The following COBLL1 variants were observed in gnomAD, a reference collection of about 807,000 sequenced individuals.
The protein encoded by COBLL1 is cordon-bleu WH2 repeat protein like 1, also known as cordon-bleu protein-like 1.
A neutral mutation model predicts 94.8 loss-of-function variants in COBLL1; 50 were observed. That is an observed-to-expected ratio of 0.53 (90% CI 0.42 to 0.67). COBLL1 has a LOEUF of 0.67. Ranked by LOEUF, COBLL1 falls within the 30% of genes least tolerant of loss-of-function variation. COBLL1 has a pLI of 0.00. For missense variants in COBLL1, 1,362 were observed against 1,348.7 expected, an observed-to-expected ratio of 1.01 and a Z score of -0.15; for synonymous variants, 448 against 473.8, an observed-to-expected ratio of 0.95 and a Z score of 0.71.
At chr2:164,773,453 A>G (rs355861) in intron 2 of COBLL1, among the ~76,000 whole-genome samples, 36,218 of 152,004 alleles carry the variant, frequency 0.24, 5,081 homozygotes, top group African/African-American at 0.39. Context: ...TAACATGTAT[A>G]TACATTTAAT....
intron 2 of COBLL1, among the ~76,000 whole-genome samples, chr2:164,778,070 A>G (rs149648135): frequency 1.3e-5 from 2 of 152,302 alleles, no homozygotes; most frequent in South Asian, 4.1e-4. Context: ...AACAGCCACA[A>G]AAAGATAATT....
At chr2:164,777,165 AT>A (rs1298717569) in intron 2 of COBLL1, among the ~76,000 whole-genome samples, 2 of 134,074 alleles carry the variant, frequency 1.5e-5, no homozygotes, top group African/African-American at 5.6e-5. Context: ...TACAAGTTTA[AT>A]TTTGAATTGT....
intron 11 of COBLL1, among the ~76,000 whole-genome samples, chr2:164,698,845 T>C (rs1684087930): frequency 6.6e-6 from 1 of 151,970 alleles, no homozygotes; most frequent in Admixed American, 6.6e-5. Context: ...AAAGACAACA[T>C]GAATATATGC....
intron 3 of COBLL1, among the ~76,000 whole-genome samples, chr2:164,737,112 T>C (rs559173391): frequency 6.6e-6 from 1 of 152,208 alleles, no homozygotes; most frequent in Non-Finnish European, 1.5e-5. Context: ...CAGTGAGCTA[T>C]GATTACACCA....
chr2:164,730,165 T>G, intron 3 of COBLL1, 50 bp from the exon 4 acceptor site: 1 of 1,480,620 alleles, frequency 6.8e-7, no homozygotes, highest in Non-Finnish European at 9.4e-7. Context: ...AGGATTTTCT[T>G]AGAATGCTTG....
intron 2 of COBLL1, among the ~76,000 whole-genome samples, chr2:164,760,657 T>C (rs1687636912): frequency 6.6e-6 from 1 of 152,144 alleles, no homozygotes; most frequent in Admixed American, 6.5e-5. Flanking sequence ...TATATGATAT[T>C]ATTATTGGGG....
intron 7 of COBLL1, among the ~76,000 whole-genome samples, chr2:164,710,331 G>A (rs1008683675): frequency 2.0e-5 from 3 of 152,116 alleles, no homozygotes; most frequent in Non-Finnish European, 2.9e-5. Context: ...TAAATAGACT[G>A]TAGCCAGGAA....
chr2:164,673,412 C>T (rs867790074), intron 1 of COBLL1, among the ~76,000 whole-genome samples: 1 of 152,104 alleles, frequency 6.6e-6, no homozygotes, highest in Non-Finnish European at 1.5e-5. Flanking sequence ...CAGTGGCTCA[C>T]GCATGTAATC....
At chr2:164,687,481 A>T in intron 13 of COBLL1, 1 of 1,452,780 alleles carries the variant, frequency 6.9e-7, no homozygotes. Context: ...GGCCTCAATC[A>T]CATGCTCCTT....
At chr2:164,777,753 G>A (rs999079997) in intron 2 of COBLL1, among the ~76,000 whole-genome samples, 1 of 152,120 alleles carries the variant, frequency 6.6e-6, no homozygotes, top group Admixed American at 6.5e-5. Flanking sequence ...TGGATCAAGT[G>A]TAAAAGAAAC....
At chr2:164,707,306 A>G (rs774691637) in intron 7 of COBLL1, among the ~76,000 whole-genome samples, 2 of 151,884 alleles carry the variant, frequency 1.3e-5, no homozygotes, top group Non-Finnish European at 2.9e-5. Context: ...ACACCTGGCT[A>G]ATTTTTGTAT....
chr2:164,824,421 A>T lies in COBLL1; in HGVS notation c.41+16735T>A, dbSNP rs567479507. Among the ~76,000 whole-genome samples, 3 of 152,158 alleles carry T rather than the reference A, an allele frequency of 2.0e-5. No homozygotes were observed. In the South Asian group the frequency reaches 6.2e-4, roughly 32 times the overall value. ...AAAAAAGTCTAGAAGGATGCAATCT[A>T]TCCATAGCATTATCTAAAATATATC... On this transcript the variant is annotated intron_variant, in intron 2 of 13. Transcript: ENST00000652658.
At chr2:164,672,976 A>G (rs1286632312) in intron 1 of COBLL1, among the ~76,000 whole-genome samples, 1 of 152,104 alleles carries the variant, frequency 6.6e-6, no homozygotes, top group Non-Finnish European at 1.5e-5. Context: ...CTGCAGCCCC[A>G]CACACTCTGG....
chr2:164,742,667 T>A (rs1418313367), intron 3 of COBLL1, among the ~76,000 whole-genome samples: 1 of 152,162 alleles, frequency 6.6e-6, no homozygotes, highest in Admixed American at 6.5e-5. Context: ...TAAATAATAC[T>A]ATATTATTTG....
intron 13 of COBLL1, among the ~76,000 whole-genome samples, chr2:164,687,088 C>T (rs1384391722): frequency 6.6e-6 from 1 of 152,154 alleles, no homozygotes; most frequent in African/African-American, 2.4e-5. Flanking sequence ...ACGCTACACA[C>T]CTAAAAGGAT....
At chr2:164,720,654 G>C (rs10221833) in intron 7 of COBLL1, among the ~76,000 whole-genome samples, 17,207 of 152,036 alleles carry the variant, frequency 0.11, 1,031 homozygotes, top group Middle Eastern at 0.16. Flanking sequence ...AAGTCTTTGG[G>C]ACCCTGACTT....
At position 164,705,037 on chromosome 2, in the gene COBLL1, T is replaced by C. The variant is rs753176762; in HGVS notation, c.1065A>G (p.Ser355=). Residue 355 remains serine (S), a synonymous_variant, in exon 8 of 14, where the codon TCA becomes TCG. Coordinates refer to ENST00000652658, the MANE Select transcript of COBLL1 (RefSeq NM_001365672.2). ...LQLSSMSAGN[S]SLRRTKRKAP... Reference sequence around the variant, plus strand: ...CTTTTCGCTTTGTCCTTCTCAAAGATGAATTCCCTGCAGACATGCTGCTGA... The same window carrying C: ...CTTTTCGCTTTGTCCTTCTCAAAGACGAATTCCCTGCAGACATGCTGCTGA... 4.4e-6 allele frequency: 7 copies of C among 1,603,624 alleles called. No individual in the cohort carries two copies. The African/African-American group carries it at 9.4e-5, about 22-fold the overall frequency.
At chr2:164,742,556 A>G (rs1485108826) in intron 3 of COBLL1, among the ~76,000 whole-genome samples, 2 of 152,036 alleles carry the variant, frequency 1.3e-5, no homozygotes, top group Non-Finnish European at 2.9e-5. Context: ...ACCACAGACA[A>G]TTTTCTCAAT....
Position 164,805,325 on chromosome 2 carries a change from CTCTCTCTCTCTCTATATATATATA to C in COBLL1, c.41+35807_41+35830del, listed in dbSNP as rs1229178496. Among the ~76,000 whole-genome samples the C allele has an allele frequency of 7.6e-4, 24 of 31,530 alleles. 2 individuals are homozygous for C. The highest frequency in any genetic ancestry group is 2.7e-3 in the African/African-American group (22 of 8,036). The allele number at this position is 31,530 out of a possible 152,430, so 20.7% of individuals were successfully genotyped here. ...TCTCTCTCTCTCTCTCTCTCTCTCT[CTCTCTCTCTCTCTATATATATATA>C]TATATATATATATAAAACTAAAGTT... On this transcript the variant is annotated intron_variant, in intron 2 of 13. Transcript: ENST00000652658.
Sources: gnomAD v4.1 joint callset for allele counts (sites outside exome capture counted in the v4.1 genomes callset) on GRCh38, gnomAD v4.1.1 for gene constraint, MANE v1.5 for transcripts, NCBI Gene and HGNC (gene_info 2026-07-23, HGNC 2026-07-21) for gene names.